The following EPHA3 variants were observed in gnomAD, a reference collection of about 807,000 sequenced individuals.
The protein encoded by EPHA3 is ephrin type-A receptor 3.
A neutral mutation model predicts 107.1 loss-of-function variants in EPHA3; 42 were observed. The ratio of observed to expected loss-of-function variants is 0.39; its 90% CI spans 0.31 to 0.51. The LOEUF is 0.51. Ranked by LOEUF, EPHA3 falls within the 20% of genes least tolerant of loss-of-function variation. The pLI is 0.78. For missense variants in EPHA3, 1,183 were observed against 1,211.2 expected, an observed-to-expected ratio of 0.98 and a Z score of 0.35; for synonymous variants, 461 against 424.8, an observed-to-expected ratio of 1.09 and a Z score of -1.05.
At chr3:89,176,228 T>C (rs749624313) in intron 2 of EPHA3, among the ~76,000 whole-genome samples, 17 of 152,180 alleles carry the variant, frequency 1.1e-4, no homozygotes, top group Admixed American at 5.2e-4. Flanking sequence ...ACAACTGTAA[T>C]CACAGCACTT....
rs573924497 is a variant in EPHA3, at chr3:89,154,309, C to T, written c.153+27036C>T. On this transcript the variant is annotated intron_variant, in intron 2 of 16. Transcript: ENST00000336596. The stretch of plus-strand genomic sequence containing the variant: ...TTATTTTTATTTCTCATTCTTTGGA[C>T]GCATAAAAAGGTGAGCACTCAATAG... Among the ~76,000 whole-genome samples the T allele has an allele frequency of 1.5e-3, 223 of 149,532 alleles. 1 individual carries two copies. The highest frequency in any genetic ancestry group is 5.0e-3 in the African/African-American group (202 of 40,746).
intron 2 of EPHA3, among the ~76,000 whole-genome samples, chr3:89,208,492 AAGG>A (rs1706181410): frequency 6.7e-6 from 1 of 148,286 alleles, no homozygotes. Flanking sequence ...GAGAAAAAGA[AAGG>A]AGGGAGGGAG....
chr3:89,172,462 A>G (rs2107100388), intron 2 of EPHA3, among the ~76,000 whole-genome samples: 1 of 152,296 alleles, frequency 6.6e-6, no homozygotes, highest in South Asian at 2.1e-4. Context: ...CCTGCGTTAC[A>G]AAAGACCCAC....
chr3:89,476,453 AC>A (rs1710509345), intron 16 of EPHA3, among the ~76,000 whole-genome samples: 1 of 148,364 alleles, frequency 6.7e-6, no homozygotes, highest in South Asian at 2.1e-4. Flanking sequence ...AGCAAGCAGC[AC>A]TCAGTAACTA....
intron 1 of EPHA3, among the ~76,000 whole-genome samples, chr3:89,123,638 A>T (rs1354182769): frequency 6.6e-6 from 1 of 152,276 alleles, no homozygotes; most frequent in East Asian, 1.9e-4. Flanking sequence ...AAGCAATTAG[A>T]GGCAGTAAAA....
intron 11 of EPHA3, among the ~76,000 whole-genome samples, chr3:89,422,546 A>C (rs1355321450): frequency 6.6e-6 from 1 of 151,368 alleles, no homozygotes; most frequent in East Asian, 1.9e-4. Flanking sequence ...CGCTTGTAAC[A>C]AAATTAAACA....
In EPHA3 at chr3:89,232,783, C is replaced by T. The variant is rs576826282; in HGVS notation, c.814+22263C>T. ...GAAGTGCTCTATAATTAATCCTAAA[C>T]TTTGTATTCCTATACTCTAAGCTAG... On this transcript the variant is annotated intron_variant, in intron 3 of 16. Transcript: ENST00000336596. Among the ~76,000 whole-genome samples, 59 of 152,232 alleles carry T rather than the reference C, an allele frequency of 3.9e-4. 1 individual carries two copies. In the South Asian group the frequency reaches 7.3e-3, roughly 19 times the overall value.
intron 16 of EPHA3, 48 bp from the exon 17 acceptor site, chr3:89,479,349 A>G (rs1476821400): frequency 1.4e-6 from 2 of 1,460,216 alleles, no homozygotes; most frequent in Non-Finnish European, 1.9e-6. Flanking sequence ...TCTCCTGCTT[A>G]TACACTATCG....
chr3:89,112,652 A>C (rs1288032158), intron 1 of EPHA3, among the ~76,000 whole-genome samples: 1 of 151,988 alleles, frequency 6.6e-6, no homozygotes, highest in African/African-American at 2.4e-5. Flanking sequence ...GAAAAAAAAA[A>C]GAAGTGTTCT....
intron 3 of EPHA3, among the ~76,000 whole-genome samples, chr3:89,239,008 A>G (rs1704833428): frequency 6.6e-6 from 1 of 152,212 alleles, no homozygotes; most frequent in African/African-American, 2.4e-5. Flanking sequence ...TCAGCATGGT[A>G]TAAATACATC....
intron 2 of EPHA3, among the ~76,000 whole-genome samples, chr3:89,130,514 C>A (rs1704183333): frequency 6.6e-6 from 1 of 151,962 alleles, no homozygotes; most frequent in Middle Eastern, 3.4e-3. Context: ...TAGTTCATTC[C>A]TACATATAAT....
chr3:89,175,090 T>C (rs1218767655), intron 2 of EPHA3, among the ~76,000 whole-genome samples: 1 of 150,804 alleles, frequency 6.6e-6, no homozygotes, highest in African/African-American at 2.4e-5. Context: ...TTTTTTGTAA[T>C]CTGGCCTTGA....
chr3:89,395,946 C>T lies in EPHA3; in HGVS notation c.1416C>T (p.Val472=), dbSNP rs912337391. 1.9e-6 allele frequency: 3 copies of T among 1,613,662 alleles called. No individual in the cohort carries two copies. In the African/African-American group the frequency reaches 4.0e-5, roughly 22 times the overall value. ...ATGGGATCATATTGGACTACGAGGT[C>T]AAATACTATGAAAAGGTGGGGAAAC... ...HPNGIILDYE[V]KYYEKQEQET... is the part of the protein sequence containing the mutation. Residue 472 remains valine, a synonymous_variant, in exon 6 of 17, where the codon GTC becomes GTT. Coordinates refer to ENST00000336596, the MANE Select transcript of EPHA3 (RefSeq NM_005233.6).
intron 5 of EPHA3, among the ~76,000 whole-genome samples, chr3:89,376,942 T>C (rs900933855): frequency 2.0e-5 from 3 of 152,254 alleles, no homozygotes; most frequent in African/African-American, 7.2e-5. Context: ...CTACAATCAC[T>C]TGATTGTTTC....
At chr3:89,163,679 G>T (rs1704997945) in intron 2 of EPHA3, among the ~76,000 whole-genome samples, 1 of 152,138 alleles carries the variant, frequency 6.6e-6, no homozygotes, top group Non-Finnish European at 1.5e-5. Context: ...GAGGACTCTT[G>T]TCCGATTTCC....
At chr3:89,207,890 C>A (rs1422893082) in intron 2 of EPHA3, among the ~76,000 whole-genome samples, 1 of 152,056 alleles carries the variant, frequency 6.6e-6, no homozygotes, top group Admixed American at 6.6e-5. Flanking sequence ...TATGAAGAGA[C>A]CTGCCTAAAA....
chr3:89,291,838 T>C (rs1420221892), intron 3 of EPHA3, among the ~76,000 whole-genome samples: 3 of 152,188 alleles, frequency 2.0e-5, no homozygotes, highest in Admixed American at 2.0e-4. Context: ...AATGAAAATG[T>C]CTACTTCTTC....
chr3:89,454,544 C>T (rs1457428386), intron 15 of EPHA3, among the ~76,000 whole-genome samples: 3 of 152,292 alleles, frequency 2.0e-5, no homozygotes, highest in African/African-American at 7.2e-5. Flanking sequence ...CTAACTTGTC[C>T]CCTGCTTTGA....
intron 5 of EPHA3, among the ~76,000 whole-genome samples, chr3:89,390,687 T>C (rs1274893844): frequency 6.6e-6 from 1 of 151,954 alleles, no homozygotes; most frequent in African/African-American, 2.4e-5. Context: ...CAAGAGGCTG[T>C]CATTGCAGTG....
Sources: allele counts gnomAD v4.1 joint callset (sites outside exome capture counted in the v4.1 genomes callset), GRCh38; gene constraint gnomAD v4.1.1; transcripts MANE v1.5; gene names NCBI Gene and HGNC (gene_info 2026-07-23, HGNC 2026-07-21).